Variants in HTR1E observed in about 807,000 individuals in gnomAD.
The protein encoded by HTR1E is 5-HT-1E.
HTR1E carries 3 observed loss-of-function variants against 3.4 expected under a neutral mutation model. That is an observed-to-expected ratio of 0.89 (90% CI 0.41 to 2.31). The LOEUF (loss-of-function observed/expected upper bound fraction) is 2.31, where lower values mean the gene tolerates loss of function less well. Ranked by LOEUF, HTR1E falls within the 30% of genes most tolerant of loss-of-function variation. The pLI, the probability that HTR1E is intolerant of heterozygous loss-of-function variation, is 0.05. For missense variants in HTR1E, 392 were observed against 467.0 expected (o/e 0.84, Z 1.48); for synonymous variants, 170 against 182.8 (o/e 0.93, Z 0.56).
At chr6:86,978,597 C>A (rs1310224568) in intron 1 of HTR1E, among the ~76,000 whole-genome samples, 1 of 152,176 alleles carries the variant, frequency 6.6e-6, no homozygotes, top group Non-Finnish European at 1.5e-5. Context: ...TAATAAATTT[C>A]TTTACTGTAT....
intron 1 of HTR1E, among the ~76,000 whole-genome samples, chr6:87,009,994 G>C (rs1768183509): frequency 8.1e-6 from 1 of 124,184 alleles, no homozygotes; most frequent in African/African-American, 3.3e-5. Flanking sequence ...AGACGGGGTG[G>C]CTGGCCGGGC....
chr6:86,943,009 T>C (rs1327406256), intron 1 of HTR1E, among the ~76,000 whole-genome samples: 1 of 152,216 alleles, frequency 6.6e-6, no homozygotes, highest in South Asian at 2.1e-4. Flanking sequence ...CCGGGTCCCA[T>C]TGGCTTTGAG....
In HTR1E at chr6:87,016,543, T is replaced by C. The variant is rs1423288951; in HGVS notation, c.*111T>C. 3.4e-6 allele frequency: 3 copies of C among 871,094 alleles called. No individual in the cohort carries two copies. In the East Asian group the frequency reaches 7.6e-5, roughly 22 times the overall value. The allele number at this position is 871,094 out of a possible 1,614,324, so 54.0% of individuals were successfully genotyped here. A position where few individuals can be genotyped will look rare whatever the true frequency, so the allele number is the denominator to read the frequency against. ...TACTTGGTTCAGGAGAGTTTGTAAG[T>C]ATGTGTGGTCTTGTTTCCTTGTTTG... is the stretch of plus-strand genomic sequence containing the variant. On this transcript the variant is annotated 3_prime_UTR_variant, in exon 2 of 2. Coordinates refer to ENST00000305344, the MANE Select transcript of HTR1E (RefSeq NM_000865.3).
chr6:87,009,775 A>AG (rs1300447126), intron 1 of HTR1E, among the ~76,000 whole-genome samples: 2 of 89,424 alleles, frequency 2.2e-5, no homozygotes, highest in Non-Finnish European at 4.2e-5. Context: ...CTGGCCGGGC[A>AG]GGGGGGCTGA....
intron 1 of HTR1E, among the ~76,000 whole-genome samples, chr6:87,009,049 CTTT>C (rs1287156687): frequency 1.3e-5 from 2 of 148,612 alleles, no homozygotes; most frequent in African/African-American, 2.5e-5. Context: ...CGCCACACTT[CTTT>C]TTATTTTTTT....
intron 1 of HTR1E, among the ~76,000 whole-genome samples, chr6:86,938,753 C>T (rs828361): frequency 0.17 from 25,457 of 152,112 alleles, 2,382 homozygotes; most frequent in Admixed American, 0.25. Context: ...AATAATAGAT[C>T]GTCAAATGGG....
At chr6:86,973,774 T>G (rs1018680143) in intron 1 of HTR1E, among the ~76,000 whole-genome samples, 7 of 152,176 alleles carry the variant, frequency 4.6e-5, no homozygotes, top group Admixed American at 3.9e-4. Flanking sequence ...TTAGAAAGAA[T>G]ACAAGTTCAA....
At chr6:87,003,065 T>C (rs1471078636) in intron 1 of HTR1E, among the ~76,000 whole-genome samples, 1 of 152,204 alleles carries the variant, frequency 6.6e-6, no homozygotes, top group Non-Finnish European at 1.5e-5. Context: ...GGATAGACCA[T>C]ATGTTAGACA....
In HTR1E at chr6:87,010,014, AC is replaced by A. The variant is rs542906434; in HGVS notation, c.-185-5129del. 1.6e-4 allele frequency among the ~76,000 whole-genome samples: 11 copies of A among 69,066 alleles called. No individual in the cohort carries two copies. The East Asian group carries it at 4.8e-3, about 30-fold the overall frequency. The allele number at this position is 69,066 out of a possible 152,430, so 45.3% of individuals were successfully genotyped here. A position where few individuals can be genotyped will look rare whatever the true frequency, so the allele number is the denominator to read the frequency against. On this transcript the variant is annotated intron_variant, in intron 1 of 1. Coordinates refer to ENST00000305344, the MANE Select transcript of HTR1E (RefSeq NM_000865.3). The stretch of plus-strand genomic sequence containing the variant: ...GGGTGGCTGGCCGGGCGGAGGGCTG[AC>A]CCCCCCACCTCCCTCCCGGACGGGG...
intron 1 of HTR1E, among the ~76,000 whole-genome samples, chr6:87,009,866 G>T (rs1465040598): frequency 1.0e-4 from 12 of 120,500 alleles, no homozygotes; most frequent in Admixed American, 3.1e-4. Flanking sequence ...CGGACGGGGC[G>T]GCTGGCCGGG....
At position 86,955,975 on chromosome 6, in the gene HTR1E, TGG is replaced by T. The variant is rs377375919; in HGVS notation, c.-186+18156_-186+18157del. ...AAACTAGTTCAGGCCATGATGGGAATGGGGGATTAGACACACCTCATTATACC... is the reference window on the plus strand; with the variant it reads ...AAACTAGTTCAGGCCATGATGGGAATGGGATTAGACACACCTCATTATACC... On this transcript the variant is annotated intron_variant, in intron 1 of 1. Transcript: ENST00000305344. Among the ~76,000 whole-genome samples, 12 of 152,042 alleles carry T rather than the reference TGG, an allele frequency of 7.9e-5. No individual in the cohort carries two copies. In the East Asian group the frequency reaches 2.1e-3, roughly 27 times the overall value.
chr6:86,983,133 TCTTAA>T (rs1382718601), intron 1 of HTR1E, among the ~76,000 whole-genome samples: 1 of 152,230 alleles, frequency 6.6e-6, no homozygotes, highest in East Asian at 1.9e-4. Flanking sequence ...TCTTTGTCTT[TCTTAA>T]CTTGAGCCAT....
Position 86,971,026 on chromosome 6 carries a change from A to T in HTR1E, c.-186+33203A>T, listed in dbSNP as rs1582266215. 3.2e-5 allele frequency: 16 copies of T among 500,738 alleles called. 2 individuals carry two copies. Among genetic ancestry groups the T allele is most frequent in the South Asian group, 2.4e-4 (16 of 66,182 alleles). The allele number at this position is 500,738 out of a possible 1,614,324, so 31.0% of individuals were successfully genotyped here. On this transcript the variant is annotated intron_variant, in intron 1 of 1. Transcript: ENST00000305344. ...CTGCTTGGAGGATCTGATTCATGAG[A>T]TCTATACTGTTGGAAAACACTTCAA... is the stretch of plus-strand genomic sequence containing the variant.
intron 1 of HTR1E, among the ~76,000 whole-genome samples, chr6:86,944,885 C>T (rs1313444738): frequency 6.6e-6 from 1 of 152,132 alleles, no homozygotes; most frequent in East Asian, 1.9e-4. Context: ...CAAACCTGTG[C>T]TGCCAGTTGT....
intron 1 of HTR1E, among the ~76,000 whole-genome samples, chr6:86,982,249 C>T (rs139762906): frequency 1.1e-3 from 160 of 152,316 alleles, no homozygotes; most frequent in African/African-American, 3.4e-3. Flanking sequence ...TCTAAACACC[C>T]TACTCCCTAC....
intron 1 of HTR1E, among the ~76,000 whole-genome samples, chr6:87,009,693 GA>G (rs1187264056): frequency 2.8e-5 from 4 of 144,768 alleles, no homozygotes; most frequent in African/African-American, 1.0e-4. Flanking sequence ...GCGGGGGGCC[GA>G]CCCCCCAACC....
At chr6:87,003,118 A>G (rs542243080) in intron 1 of HTR1E, among the ~76,000 whole-genome samples, 1 of 152,240 alleles carries the variant, frequency 6.6e-6, no homozygotes, top group African/African-American at 2.4e-5. Flanking sequence ...AAATGATATC[A>G]AATATCTTCT....
At chr6:86,948,532 T>C (rs147706920) in intron 1 of HTR1E, among the ~76,000 whole-genome samples, 1 of 152,220 alleles carries the variant, frequency 6.6e-6, no homozygotes, top group East Asian at 1.9e-4. Flanking sequence ...ACCACAGTCT[T>C]CTCTTCCCTC....
At chr6:86,972,136 G>A (rs1355396466) in intron 1 of HTR1E, among the ~76,000 whole-genome samples, 1 of 152,116 alleles carries the variant, frequency 6.6e-6, no homozygotes, top group Non-Finnish European at 1.5e-5. Context: ...TTCATTAAGT[G>A]TAAAATTTTA....
Sources: allele counts gnomAD v4.1 joint callset (sites outside exome capture counted in the v4.1 genomes callset), GRCh38; gene constraint gnomAD v4.1.1; transcripts MANE v1.5; gene names NCBI Gene and HGNC (gene_info 2026-07-23, HGNC 2026-07-21).